The following RORA variants were observed in gnomAD, a reference collection of about 807,000 sequenced individuals.
RORA encodes the protein nuclear receptor ROR-alpha.
Under a neutral mutation model 69.5 loss-of-function variants are expected in RORA, and 7 were observed. The observed-to-expected ratio is 0.10, with a 90% CI of 0.06 to 0.19. The LOEUF (loss-of-function observed/expected upper bound fraction) is 0.19, where lower values mean the gene tolerates loss of function less well. RORA is among the 10% of genes least tolerant of loss of function. The pLI is 1.00. For missense variants in RORA, 457 were observed against 663.0 expected, an observed-to-expected ratio of 0.69 and a Z score of 3.41; for synonymous variants, 261 against 240.8, an observed-to-expected ratio of 1.08 and a Z score of -0.78.
At chr15:60,873,963 T>C (rs1380849649) in intron 1 of RORA, among the ~76,000 whole-genome samples, 2 of 152,188 alleles carry the variant, frequency 1.3e-5, no homozygotes, top group African/African-American at 4.8e-5. Context: ...AATTAGCTTA[T>C]AGGGAAGTCA....
At chr15:60,829,907 C>T (rs946296576) in intron 1 of RORA, among the ~76,000 whole-genome samples, 1 of 152,240 alleles carries the variant, frequency 6.6e-6, no homozygotes, top group African/African-American at 2.4e-5. Flanking sequence ...GTAGTCTTCT[C>T]ATGGTGACCT....
intron 1 of RORA, among the ~76,000 whole-genome samples, chr15:60,794,253 T>C (rs2072458336): frequency 6.6e-6 from 1 of 152,244 alleles, no homozygotes; most frequent in Non-Finnish European, 1.5e-5. Flanking sequence ...ATTGCTTTAA[T>C]GAAGAGAGTA....
At chr15:61,009,235 A>G (rs1229956085) in intron 1 of RORA, among the ~76,000 whole-genome samples, 2 of 152,210 alleles carry the variant, frequency 1.3e-5, no homozygotes, top group Non-Finnish European at 2.9e-5. Flanking sequence ...CTATAAAAGT[A>G]GCCCATTCCG....
intron 1 of RORA, among the ~76,000 whole-genome samples, chr15:60,909,422 G>A (rs1891637437): frequency 6.6e-6 from 1 of 152,190 alleles, no homozygotes; most frequent in African/African-American, 2.4e-5. Context: ...AAAAGTCAAT[G>A]TTAGCAGTAA....
chr15:60,696,296 G>C (rs978807406), intron 1 of RORA, among the ~76,000 whole-genome samples: 1 of 152,036 alleles, frequency 6.6e-6, no homozygotes, highest in Non-Finnish European at 1.5e-5. Context: ...AGGGGGAATC[G>C]GTCCTCCCAG....
intron 2 of RORA, among the ~76,000 whole-genome samples, chr15:60,616,838 C>A (rs1596063426): frequency 6.6e-6 from 1 of 152,170 alleles, no homozygotes; most frequent in Non-Finnish European, 1.5e-5. Flanking sequence ...CTGTAGGAAA[C>A]CCCCTGGTCC....
intron 1 of RORA, among the ~76,000 whole-genome samples, chr15:61,228,415 C>G (rs1402459517): frequency 2.6e-5 from 4 of 152,118 alleles, no homozygotes; most frequent in African/African-American, 7.2e-5. Flanking sequence ...TTCCTTCGGC[C>G]CTTCCTTCAA....
At chr15:60,738,875 C>T (rs1448375570) in intron 1 of RORA, among the ~76,000 whole-genome samples, 1 of 152,192 alleles carries the variant, frequency 6.6e-6, no homozygotes, top group African/African-American at 2.4e-5. Flanking sequence ...GTCCTAGCTT[C>T]TCAAAGTCCT....
intron 1 of RORA, among the ~76,000 whole-genome samples, chr15:60,974,694 C>T (rs1271659951): frequency 6.6e-6 from 1 of 152,138 alleles, no homozygotes; most frequent in Admixed American, 6.5e-5. Context: ...CCAAACAAGG[C>T]CCCCCAAAGC....
intron 1 of RORA, among the ~76,000 whole-genome samples, chr15:61,053,385 T>C (rs1385420547): frequency 6.6e-6 from 1 of 152,118 alleles, no homozygotes; most frequent in East Asian, 1.9e-4. Context: ...GGGTTGTCTC[T>C]GCCGCCTGCC....
chr15:60,749,157 T>C (rs561371697), intron 1 of RORA, among the ~76,000 whole-genome samples: 5 of 152,310 alleles, frequency 3.3e-5, no homozygotes, highest in South Asian at 4.2e-4. Context: ...TATGCCTTCA[T>C]TGAACAACAT....
rs756688456 is a variant in RORA, at chr15:60,514,531, C to T, written c.424+85G>A. On this transcript the variant is annotated intron_variant, in intron 4 of 10. Transcript: ENST00000335670. ...AATAATGAGGAGGGGGCAGGCGGGG[C>T]AGATATTGGCAGATCTGAGTCCAGG... 18 of 1,322,032 alleles carry T rather than the reference C, an allele frequency of 1.4e-5. No individual in the cohort carries two copies. In the South Asian group the frequency reaches 2.1e-4, roughly 15 times the overall value. 81.9% of individuals were successfully genotyped at this position (1,322,032 alleles called of 1,614,324 possible). A position where few individuals can be genotyped will look rare whatever the true frequency, so the allele number is the denominator to read the frequency against.
chr15:60,535,197 A>G (rs1223779295), intron 2 of RORA, among the ~76,000 whole-genome samples: 1 of 152,224 alleles, frequency 6.6e-6, no homozygotes, highest in Non-Finnish European at 1.5e-5. Context: ...ACTACTGTCA[A>G]CGTTCACAAG....
At chr15:60,593,948 A>G (rs899418735) in intron 2 of RORA, among the ~76,000 whole-genome samples, 1 of 152,120 alleles carries the variant, frequency 6.6e-6, no homozygotes, top group African/African-American at 2.4e-5. Context: ...GCCCCCTTTC[A>G]AGGCAAAATT....
At chr15:61,032,980 ATACT>A (rs1478564987) in intron 1 of RORA, among the ~76,000 whole-genome samples, 12 of 152,190 alleles carry the variant, frequency 7.9e-5, no homozygotes, top group Admixed American at 4.6e-4. Flanking sequence ...ATACTTTATG[ATACT>A]TACTCCTCAA....
chr15:60,690,479 C>G lies in RORA; in HGVS notation c.167-11793G>C, dbSNP rs2070807144. On this transcript the variant is annotated intron_variant, in intron 1 of 10. Transcript: ENST00000335670. Reference sequence around the variant, plus strand: ...AGAGCACCCAGACAGGACCTGTGAGCAGAGCTTCCTTGGCAGCCTCCACTG... The same window carrying G: ...AGAGCACCCAGACAGGACCTGTGAGGAGAGCTTCCTTGGCAGCCTCCACTG... Among the ~76,000 whole-genome samples, 3 of 152,210 alleles carry G rather than the reference C, an allele frequency of 2.0e-5. No individual in the cohort carries two copies. The East Asian group carries it at 5.8e-4, about 29-fold the overall frequency.
At chr15:61,060,975 G>C (rs1249912964) in intron 1 of RORA, among the ~76,000 whole-genome samples, 1 of 152,214 alleles carries the variant, frequency 6.6e-6, no homozygotes, top group Non-Finnish European at 1.5e-5. Context: ...AAAATGTCAA[G>C]CCTGAATCTA....
intron 2 of RORA, among the ~76,000 whole-genome samples, chr15:60,616,470 T>C (rs1049276606): frequency 1.3e-5 from 2 of 152,216 alleles, no homozygotes; most frequent in Non-Finnish European, 2.9e-5. Flanking sequence ...GTTGTTTTAC[T>C]GGTATCTGTT....
At chr15:61,101,782 A>G (rs112166483) in intron 1 of RORA, among the ~76,000 whole-genome samples, 2 of 152,082 alleles carry the variant, frequency 1.3e-5, no homozygotes, top group Non-Finnish European at 2.9e-5. Context: ...AGCAGAGGGC[A>G]AAAGTGGGAG....
Sources: gnomAD v4.1 joint callset for allele counts (sites outside exome capture counted in the v4.1 genomes callset) on GRCh38, gnomAD v4.1.1 for gene constraint, MANE v1.5 for transcripts, NCBI Gene and HGNC (gene_info 2026-07-23, HGNC 2026-07-21) for gene names.